NAALADL2: variants seen among roughly 807,000 people sequenced by gnomAD.
NAALADL2 encodes N-acetylated alpha-linked acidic dipeptidase like 2.
In NAALADL2, 76 loss-of-function variants were observed where a neutral mutation model predicts 87.2. That is an observed-to-expected ratio of 0.87 (90% CI 0.72 to 1.05). NAALADL2 has a LOEUF of 1.05. Among genes scored for constraint, NAALADL2 ranks in the 50% least tolerant of loss-of-function variants. The pLI, the probability that NAALADL2 is intolerant of heterozygous loss-of-function variation, is 0.00. For synonymous variants in NAALADL2, 354 were observed against 331.0 expected (o/e 1.07, Z -0.75); for missense variants, 1,089 against 945.8 (o/e 1.15, Z -1.99).
chr3:174,837,415 A>C (rs892598193), intron 3 of NAALADL2, among the ~76,000 whole-genome samples: 1 of 152,210 alleles, frequency 6.6e-6, no homozygotes. Context: ...CATTTCTGGA[A>C]AGATACAACC....
chr3:175,553,958 CACA>C (rs1436205571), intron 9 of NAALADL2, among the ~76,000 whole-genome samples: 1 of 151,974 alleles, frequency 6.6e-6, no homozygotes, highest in Non-Finnish European at 1.5e-5. Context: ...AAGAAGTAAA[CACA>C]ACATTATCAA....
chr3:175,581,212 C>T (rs574272846), intron 10 of NAALADL2: 42 of 330,674 alleles, frequency 1.3e-4, no homozygotes, highest in African/African-American at 6.5e-4. Context: ...GAGGCTGAGG[C>T]GGGAGGATCA....
chr3:175,556,795 A>G (rs564004286), intron 9 of NAALADL2, among the ~76,000 whole-genome samples: 45 of 152,322 alleles, frequency 3.0e-4, no homozygotes, highest in African/African-American at 1.1e-3. Flanking sequence ...TGATTTCTCT[A>G]ATCTCTTATC....
chr3:175,059,339 A>G (rs1712935830), intron 1 of NAALADL2: 1 of 152,170 alleles, frequency 6.6e-6, no homozygotes, highest in African/African-American at 2.4e-5. Context: ...TTTAAGTGCA[A>G]TGATCTGGGG....
chr3:174,634,614 A>G (rs1220322165), intron 2 of NAALADL2, among the ~76,000 whole-genome samples: 1 of 152,162 alleles, frequency 6.6e-6, no homozygotes, highest in Non-Finnish European at 1.5e-5. Flanking sequence ...ACCTTAGAAT[A>G]TAAGACTTTC....
chr3:175,539,751 T>A (rs116183669), intron 9 of NAALADL2, among the ~76,000 whole-genome samples: 3,206 of 152,168 alleles, frequency 0.021, 104 homozygotes, highest in African/African-American at 0.073. Context: ...ACTGAGCAAT[T>A]TTGAGATAGG....
intron 2 of NAALADL2, among the ~76,000 whole-genome samples, chr3:174,586,484 G>A (rs1380522928): frequency 3.3e-5 from 5 of 152,138 alleles, no homozygotes; most frequent in Non-Finnish European, 7.3e-5. Context: ...AACCAGCGAC[G>A]AGACCACAGG....
At chr3:174,904,825 G>A (rs1185087707) in intron 1 of NAALADL2, among the ~76,000 whole-genome samples, 1 of 151,496 alleles carries the variant, frequency 6.6e-6, no homozygotes, top group Non-Finnish European at 1.5e-5. Context: ...TTGATGCTCG[G>A]TATGTTTTCA....
chr3:174,624,534 G>A lies in NAALADL2; in HGVS notation c.-115+73897G>A, dbSNP rs1424735708. On this transcript the variant is annotated intron_variant, in intron 2 of 3. Coordinates refer to the NAALADL2 transcript ENST00000434257. ...AGCTACTTGGGAGGCTGAGGCAGGA[G>A]AATTGCTTTAACCCGGGAGGTGGAG... Among the ~76,000 whole-genome samples the A allele has an allele frequency of 3.3e-5, 5 of 151,704 alleles. No individual in the cohort carries two copies. In the East Asian group the frequency reaches 5.8e-4, roughly 18 times the overall value.
At chr3:175,109,962 A>G (rs1723890973) in intron 2 of NAALADL2, among the ~76,000 whole-genome samples, 1 of 151,806 alleles carries the variant, frequency 6.6e-6, no homozygotes, top group Non-Finnish European at 1.5e-5. Context: ...TTTTCCAAAC[A>G]AGCATCACTG....
At chr3:174,562,678 T>C (rs2108514850) in intron 2 of NAALADL2, among the ~76,000 whole-genome samples, 1 of 152,144 alleles carries the variant, frequency 6.6e-6, no homozygotes, top group East Asian at 1.9e-4. Flanking sequence ...TATGTAAATA[T>C]TGTCTACTGG....
intron 1 of NAALADL2, among the ~76,000 whole-genome samples, chr3:174,537,638 G>A (rs1475569471): frequency 2.6e-5 from 4 of 152,158 alleles, no homozygotes; most frequent in Non-Finnish European, 4.4e-5. Flanking sequence ...TACAGTACGA[G>A]AAATGATGTG....
intron 13 of NAALADL2, among the ~76,000 whole-genome samples, chr3:175,797,283 T>C (rs954088509): frequency 1.3e-5 from 2 of 152,170 alleles, no homozygotes; most frequent in African/African-American, 4.8e-5. Context: ...GGAATTAATG[T>C]TATTTTACAC....
In NAALADL2 at chr3:175,669,452, A is replaced by G. The variant is rs181416605; in HGVS notation, c.1896+42066A>G. Reference sequence around the variant, plus strand: ...TAATGTCCTGATGATGTGCATCTTTATTCATTGAAGAAAAAATTTGTTTTC... The same window carrying G: ...TAATGTCCTGATGATGTGCATCTTTGTTCATTGAAGAAAAAATTTGTTTTC... On this transcript the variant is annotated intron_variant, in intron 11 of 13. Transcript: ENST00000454872. Among the ~76,000 whole-genome samples, 22 of 152,200 alleles carry G rather than the reference A, an allele frequency of 1.4e-4. No homozygotes were observed. In the East Asian group the frequency reaches 4.2e-3, roughly 29 times the overall value.
At chr3:174,916,623 C>T (rs1011981261) in intron 1 of NAALADL2, among the ~76,000 whole-genome samples, 3 of 142,544 alleles carry the variant, frequency 2.1e-5, no homozygotes, top group Non-Finnish European at 4.6e-5. Context: ...AATGGAAAAC[C>T]AAATATTATA....
chr3:175,759,233 T>C (rs900215450), intron 13 of NAALADL2, among the ~76,000 whole-genome samples: 13 of 152,116 alleles, frequency 8.5e-5, no homozygotes, highest in Admixed American at 6.5e-4. Context: ...ATACATAAAT[T>C]ATATATCAAA....
intron 9 of NAALADL2, among the ~76,000 whole-genome samples, chr3:175,566,283 T>A (rs748084727): frequency 1.3e-5 from 2 of 152,170 alleles, no homozygotes; most frequent in Non-Finnish European, 2.9e-5. Flanking sequence ...ACAAAAGTAA[T>A]AAGCAAATTG....
intron 9 of NAALADL2, among the ~76,000 whole-genome samples, chr3:175,473,099 ATAGT>A (rs529503421): frequency 8.3e-4 from 126 of 152,280 alleles, no homozygotes; most frequent in Non-Finnish European, 1.5e-3. Context: ...GTAAATAGAA[ATAGT>A]TAATTATTAA....
chr3:175,446,379 T>G (rs1159505000), intron 5 of NAALADL2, among the ~76,000 whole-genome samples: 2 of 152,018 alleles, frequency 1.3e-5, no homozygotes, highest in Non-Finnish European at 2.9e-5. Flanking sequence ...GTAGCCAAGA[T>G]TACAGGCGTG....
Sources: allele counts gnomAD v4.1 joint callset (sites outside exome capture counted in the v4.1 genomes callset), GRCh38; gene constraint gnomAD v4.1.1; transcripts MANE v1.5; gene names NCBI Gene and HGNC (gene_info 2026-07-23, HGNC 2026-07-21).